Variants in PDE7B observed in about 807,000 individuals in gnomAD.
PDE7B encodes 3',5'-cyclic-AMP phosphodiesterase 7B.
PDE7B carries 29 observed loss-of-function variants against 56.2 expected under a neutral mutation model. The ratio of observed to expected loss-of-function variants is 0.52; its 90% confidence interval spans 0.38 to 0.70. PDE7B has a LOEUF of 0.70. Among genes scored for constraint, PDE7B ranks in the 30% least tolerant of loss-of-function variants. The pLI is 0.00. For synonymous variants in PDE7B, 197 were observed against 196.9 expected (o/e 1.00, Z 0.00); for missense variants, 490 against 565.0 (o/e 0.87, Z 1.35).
intron 2 of PDE7B, among the ~76,000 whole-genome samples, chr6:135,998,725 C>T (rs1051407790): frequency 6.6e-6 from 1 of 151,194 alleles, no homozygotes; most frequent in African/African-American, 2.4e-5. Flanking sequence ...CACTGCACTC[C>T]AGCCTGGGTG....
In PDE7B at chr6:136,149,166, G is replaced by A; in HGVS notation, c.382+16G>A. On this transcript the variant is annotated intron_variant, in intron 5 of 12. Transcript: ENST00000308191. ...TTGACAAATGGTAAGTTACCCAAAA[G>A]AATTCTCACTAAAATATACACCATA... The A allele has an allele frequency of 6.4e-7, 1 of 1,550,776 alleles. No homozygotes were observed. Among genetic ancestry groups the A allele is most frequent in the South Asian group, 1.1e-5 (1 of 89,772 alleles).
rs1310404484 is a variant in PDE7B at position 136,000,042 on chromosome 6, T to C, written c.82+52518T>C. On this transcript the variant is annotated intron_variant, in intron 2 of 12. Transcript: ENST00000308191. ...ATTTTAAGCTTTTTGGCCACATGTA[T>C]GTCTTTAGAAAAGTGTTCATGTCCT... Among the ~76,000 whole-genome samples the C allele has an allele frequency of 3.3e-5, 5 of 152,226 alleles. No homozygotes were observed. The South Asian group carries it at 6.2e-4, about 19-fold the overall frequency.
At chr6:136,023,617 T>C (rs560664726) in intron 2 of PDE7B, among the ~76,000 whole-genome samples, 1 of 152,240 alleles carries the variant, frequency 6.6e-6, no homozygotes, top group South Asian at 2.1e-4. Flanking sequence ...TTTCTGAAAG[T>C]GAGGAAGAAA....
chr6:135,855,598 A>G (rs1401496493), intron 1 of PDE7B, among the ~76,000 whole-genome samples: 1 of 152,240 alleles, frequency 6.6e-6, no homozygotes, highest in Non-Finnish European at 1.5e-5. Context: ...CTCAAAAATT[A>G]GAATGTTAAA....
At chr6:135,903,580 T>C (rs1776043854) in intron 1 of PDE7B, among the ~76,000 whole-genome samples, 1 of 152,196 alleles carries the variant, frequency 6.6e-6, no homozygotes, top group African/African-American at 2.4e-5. Context: ...GTATTCTACT[T>C]TAGTCTGCAT....
Position 136,152,559 on chromosome 6 carries a change from A to G in PDE7B, c.478+1304A>G, listed in dbSNP as rs1458824627. 2.0e-5 allele frequency among the ~76,000 whole-genome samples: 3 copies of G among 152,208 alleles called. No individual in the cohort carries two copies. The East Asian group carries it at 5.8e-4, about 29-fold the overall frequency. ...CCTAGCTCTGTCGACTTGGGAGTCCACCATCTTTCCACTGAACTCCATCAT... is the reference window on the plus strand; with the variant it reads ...CCTAGCTCTGTCGACTTGGGAGTCCGCCATCTTTCCACTGAACTCCATCAT... On this transcript the variant is annotated intron_variant, in intron 6 of 12. Coordinates refer to ENST00000308191, the MANE Select transcript of PDE7B (RefSeq NM_018945.4).
chr6:136,017,850 TTAATC>T (rs1562470754), intron 2 of PDE7B, among the ~76,000 whole-genome samples: 2 of 152,160 alleles, frequency 1.3e-5, no homozygotes, highest in Admixed American at 6.5e-5. Flanking sequence ...TAAGAGAATT[TTAATC>T]TAAATATGAT....
intron 1 of PDE7B, among the ~76,000 whole-genome samples, chr6:135,908,383 G>A (rs1223368283): frequency 1.3e-5 from 2 of 151,852 alleles, no homozygotes; most frequent in African/African-American, 2.4e-5. Context: ...GTGAGACACC[G>A]CACCCGGCCT....
chr6:136,041,721 A>G (rs1331828196), intron 2 of PDE7B, among the ~76,000 whole-genome samples: 1 of 152,224 alleles, frequency 6.6e-6, no homozygotes, highest in East Asian at 1.9e-4. Context: ...TTTGAACTGT[A>G]CCCAATTATT....
chr6:136,002,225 G>A (rs1775683008), intron 2 of PDE7B, among the ~76,000 whole-genome samples: 1 of 152,082 alleles, frequency 6.6e-6, no homozygotes, highest in African/African-American at 2.4e-5. Flanking sequence ...AGGAACAACT[G>A]GTACCAGCCA....
intron 1 of PDE7B, among the ~76,000 whole-genome samples, chr6:135,901,939 C>T (rs1441521902): frequency 6.6e-6 from 1 of 152,060 alleles, no homozygotes; most frequent in East Asian, 1.9e-4. Context: ...CCCTGTCTGA[C>T]CTTGGGAGTG....
chr6:135,974,989 G>A (rs570895686), intron 2 of PDE7B, among the ~76,000 whole-genome samples: 2 of 152,206 alleles, frequency 1.3e-5, no homozygotes, highest in South Asian at 2.1e-4. Flanking sequence ...GCAAGAGTGA[G>A]TGAAGCCAAC....
intron 1 of PDE7B, among the ~76,000 whole-genome samples, chr6:135,862,546 A>T (rs1775170456): frequency 6.6e-6 from 1 of 151,892 alleles, no homozygotes; most frequent in Non-Finnish European, 1.5e-5. Flanking sequence ...GTTAGGAAAT[A>T]TTACCCTAGT....
chr6:135,975,602 C>G (rs1308660033), intron 2 of PDE7B, among the ~76,000 whole-genome samples: 1 of 152,178 alleles, frequency 6.6e-6, no homozygotes, highest in Non-Finnish European at 1.5e-5. Context: ...ACTGCAGGGC[C>G]TCTGGCTGAA....
At chr6:136,010,904 G>A (rs9483901) in intron 2 of PDE7B, among the ~76,000 whole-genome samples, 12,545 of 152,084 alleles carry the variant, frequency 0.082, 854 homozygotes, top group African/African-American at 0.18. Flanking sequence ...AGGCTGCACC[G>A]GGTGCTCCCA....
intron 2 of PDE7B, among the ~76,000 whole-genome samples, chr6:135,955,819 G>C (rs923561228): frequency 2.0e-5 from 3 of 152,164 alleles, no homozygotes; most frequent in Non-Finnish European, 4.4e-5. Context: ...TCTACAATGG[G>C]TTGAGTGTAT....
At chr6:135,956,883 C>T (rs959476896) in intron 2 of PDE7B, among the ~76,000 whole-genome samples, 7 of 150,258 alleles carry the variant, frequency 4.7e-5, no homozygotes, top group African/African-American at 1.2e-4. Flanking sequence ...GAAATAAAGA[C>T]GGAAGGAAGG....
chr6:135,913,886 C>G (rs1386557430), intron 1 of PDE7B, among the ~76,000 whole-genome samples: 1 of 152,158 alleles, frequency 6.6e-6, no homozygotes, highest in African/African-American at 2.4e-5. Flanking sequence ...TGTCATTTTC[C>G]TAAGACCGTA....
At chr6:136,026,713 G>A (rs1013961958) in intron 2 of PDE7B, among the ~76,000 whole-genome samples, 3 of 152,142 alleles carry the variant, frequency 2.0e-5, no homozygotes, top group Non-Finnish European at 4.4e-5. Context: ...CCTTTTGGGG[G>A]ATTCTTGTCA....
Sources: allele counts gnomAD v4.1 joint callset (sites outside exome capture counted in the v4.1 genomes callset), GRCh38; gene constraint gnomAD v4.1.1; transcripts MANE v1.5; gene names NCBI Gene and HGNC (gene_info 2026-07-23, HGNC 2026-07-21).